Variants in AP3B1 observed in about 807,000 individuals in gnomAD.
The protein encoded by AP3B1 is AP-3 complex subunit beta-1.
AP3B1 carries 61 observed loss-of-function variants against 132.5 expected under a neutral mutation model. That is an observed-to-expected ratio of 0.46 (90% CI 0.37 to 0.57). The LOEUF (loss-of-function observed/expected upper bound fraction) is 0.57, where lower values mean the gene tolerates loss of function less well. Ranked by LOEUF, AP3B1 falls within the 20% of genes least tolerant of loss-of-function variation. The pLI, the probability that AP3B1 is intolerant of heterozygous loss-of-function variation, is 0.00. For synonymous variants in AP3B1, 388 were observed against 438.3 expected, an observed-to-expected ratio of 0.89 and a Z score of 1.43; for missense variants, 1,120 against 1,289.4, an observed-to-expected ratio of 0.87 and a Z score of 2.01.
At chr5:78,130,245 G>A (rs1436534130) in intron 15 of AP3B1, among the ~76,000 whole-genome samples, 3 of 151,874 alleles carry the variant, frequency 2.0e-5, no homozygotes, top group Non-Finnish European at 2.9e-5. Context: ...CATAATATAT[G>A]GGAAAAATAA....
Position 78,193,770 on chromosome 5 carries a change from AT to A in AP3B1, c.787-12109del, listed in dbSNP as rs35190275. ...TATATATATATATATATATATATATATTTTTTTTTTAGACAGAGTCTCGCTC... is the reference window on the plus strand; with the variant it reads ...TATATATATATATATATATATATATATTTTTTTTTAGACAGAGTCTCGCTC... On this transcript the variant is annotated intron_variant, in intron 7 of 26. Coordinates refer to ENST00000255194, the MANE Select transcript of AP3B1 (RefSeq NM_003664.5). 1.4e-3 allele frequency among the ~76,000 whole-genome samples: 91 copies of A among 67,218 alleles called. 1 individual carries two copies. Among genetic ancestry groups the A allele is most frequent in the Non-Finnish European group, 1.7e-3 (53 of 31,136 alleles). The allele number at this position is 67,218 out of a possible 152,430, so 44.1% of individuals were successfully genotyped here.
intron 22 of AP3B1, among the ~76,000 whole-genome samples, chr5:78,062,708 C>T (rs1749109565): frequency 6.6e-6 from 1 of 152,204 alleles, no homozygotes; most frequent in Non-Finnish European, 1.5e-5. Flanking sequence ...AGCACCATTT[C>T]CTCTGGGCAT....
At chr5:78,220,347 T>C (rs1161169586) in intron 6 of AP3B1, among the ~76,000 whole-genome samples, 2 of 149,400 alleles carry the variant, frequency 1.3e-5, no homozygotes, top group Non-Finnish European at 3.0e-5. Flanking sequence ...CCAAAACCCA[T>C]GCTTTAAGCC....
chr5:78,235,249 A>G (rs1746825638), intron 3 of AP3B1, among the ~76,000 whole-genome samples: 2 of 152,198 alleles, frequency 1.3e-5, no homozygotes, highest in African/African-American at 4.8e-5. Flanking sequence ...AAGTTTTGAG[A>G]AAGAATGGGT....
At chr5:78,112,946 A>C (rs1054991796) in intron 19 of AP3B1, among the ~76,000 whole-genome samples, 1 of 152,262 alleles carries the variant, frequency 6.6e-6, no homozygotes, top group African/African-American at 2.4e-5. Flanking sequence ...TTTTAAAATC[A>C]TTAAATCCTG....
chr5:78,189,694 A>AC (rs1744747805), intron 7 of AP3B1, among the ~76,000 whole-genome samples: 1 of 151,816 alleles, frequency 6.6e-6, no homozygotes. Context: ...ACATGGTGAA[A>AC]CCCCATCTCT....
At chr5:78,095,343 G>A (rs1374981291) in intron 21 of AP3B1, among the ~76,000 whole-genome samples, 1 of 152,294 alleles carries the variant, frequency 6.6e-6, no homozygotes, top group East Asian at 1.9e-4. Context: ...AAACCACAGG[G>A]AATGTGTCTG....
rs1223441060 is a variant in AP3B1 at position 78,089,340 on chromosome 5, G to C, written c.2577+53C>G. 5.5e-6 allele frequency: 7 copies of C among 1,279,336 alleles called. No individual in the cohort carries two copies. In the East Asian group the frequency reaches 1.7e-4, roughly 31 times the overall value. 79.2% of individuals were successfully genotyped at this position (1,279,336 alleles called of 1,614,324 possible). A position where few individuals can be genotyped will look rare whatever the true frequency, so the allele number is the denominator to read the frequency against. On this transcript the variant is annotated intron_variant, in intron 22 of 26. Transcript: ENST00000255194. Reference sequence around the variant, plus strand: ...CAAGTATTTACATTTTAATAAAAAAGATACAATGGCAACATAAGAAAACCG... The same window carrying C: ...CAAGTATTTACATTTTAATAAAAAACATACAATGGCAACATAAGAAAACCG...
rs1347612692 is a variant in AP3B1 at position 78,181,413 on chromosome 5, T to C, written c.942+94A>G. On this transcript the variant is annotated intron_variant, in intron 8 of 26. Coordinates refer to ENST00000255194, the MANE Select transcript of AP3B1 (RefSeq NM_003664.5). ...GGTGTGTAAACAAACAAATGCTCCA[T>C]TAGCACACACAGACTCACTTACTAA... 8 of 1,191,072 alleles carry C rather than the reference T, an allele frequency of 6.7e-6. No homozygotes were observed. In the South Asian group the frequency reaches 8.9e-5, roughly 13 times the overall value. The allele number at this position is 1,191,072 out of a possible 1,614,324, so 73.8% of individuals were successfully genotyped here.
intron 3 of AP3B1, among the ~76,000 whole-genome samples, chr5:78,230,119 C>A (rs1746580747): frequency 6.6e-6 from 1 of 152,098 alleles, no homozygotes; most frequent in Non-Finnish European, 1.5e-5. Flanking sequence ...TTGATTAAAA[C>A]CATACACCTT....
At chr5:78,064,431 A>G (rs1042370227) in intron 22 of AP3B1, among the ~76,000 whole-genome samples, 1 of 152,154 alleles carries the variant, frequency 6.6e-6, no homozygotes. Context: ...ATCCTGACTC[A>G]GTGAATTAAC....
intron 14 of AP3B1, among the ~76,000 whole-genome samples, chr5:78,153,895 G>C (rs955259250): frequency 6.6e-6 from 1 of 151,950 alleles, no homozygotes; most frequent in Non-Finnish European, 1.5e-5. Flanking sequence ...ATATCATATT[G>C]TACTGTCCAT....
At chr5:78,047,169 CAT>C (rs1295537524) in intron 22 of AP3B1, among the ~76,000 whole-genome samples, 15 of 152,296 alleles carry the variant, frequency 9.8e-5, no homozygotes, top group African/African-American at 2.9e-4. Context: ...CATACGTGCA[CAT>C]ATGTCTTTAT....
At chr5:78,215,964 T>C in intron 7 of AP3B1, 91 bp downstream of exon 7, 3 of 1,201,666 alleles carry the variant, frequency 2.5e-6, no homozygotes, top group Non-Finnish European at 3.7e-6. Context: ...CAGATTTCTC[T>C]AGTTTACTAC....
At chr5:78,015,236 G>A (rs546784592) in intron 26 of AP3B1, among the ~76,000 whole-genome samples, 174 bp downstream of exon 26, 48 of 152,114 alleles carry the variant, frequency 3.2e-4, no homozygotes, top group East Asian at 1.4e-3. Flanking sequence ...AGATGGGAAA[G>A]ACAGCCTTAA....
At chr5:78,079,960 AT>A (rs1447475203) in intron 22 of AP3B1, among the ~76,000 whole-genome samples, 1 of 152,144 alleles carries the variant, frequency 6.6e-6, no homozygotes, top group Non-Finnish European at 1.5e-5. Context: ...ATAATTCTAA[AT>A]ACTTTTATAC....
chr5:78,069,882 G>A (rs1204934826), intron 22 of AP3B1, among the ~76,000 whole-genome samples: 1 of 152,088 alleles, frequency 6.6e-6, no homozygotes, highest in Non-Finnish European at 1.5e-5. Context: ...CAAATAGACT[G>A]GTACTGGTAC....
At chr5:78,060,447 T>C (rs1391118621) in intron 22 of AP3B1, among the ~76,000 whole-genome samples, 1 of 152,210 alleles carries the variant, frequency 6.6e-6, no homozygotes, top group Non-Finnish European at 1.5e-5. Flanking sequence ...GGATATTCCA[T>C]ATGGGTAAAT....
At position 78,267,565 on chromosome 5, in the gene AP3B1, G is replaced by T. The variant is rs747277387; in HGVS notation, c.159C>A (p.Ser53Arg). 3 of 1,610,392 alleles carry T rather than the reference G, an allele frequency of 1.9e-6. No homozygotes were observed. Among genetic ancestry groups the T allele is most frequent in the Admixed American group, 1.7e-5 (1 of 59,842 alleles). Residue 53 changes from serine (S) to arginine (R), a missense_variant, in exon 2 of 27, where the codon AGC becomes AGA. Physicochemically the swap from Ser to Arg is moderately radical, Grantham distance 110 (BLOSUM62 -1). Around this residue, in one of 3 missense-constraint regions of AP3B1, gnomAD observed 85 missense variants for 79.9 expected, o/e 1.06. Coordinates refer to ENST00000255194, the MANE Select transcript of AP3B1 (RefSeq NM_003664.5). ...CATCCAGTTTAGCAGAATCTTTGTT[G>T]CTCTCTAACATTTGCTTTAGATCTT... is the stretch of plus-strand genomic sequence containing the variant. The part of the protein sequence containing the change: ...KNEDLKQMLE[S>R]NKDSAKLDAM...
Sources: gnomAD v4.1 joint callset for allele counts (sites outside exome capture counted in the v4.1 genomes callset) on GRCh38, gnomAD v4.1.1 for gene constraint, gnomAD v4.1.1 regional missense constraint, MANE v1.5 for transcripts, NCBI Gene and HGNC (gene_info 2026-07-23, HGNC 2026-07-21) for gene names.